ROS1: variants seen among roughly 807,000 people sequenced by gnomAD.
ROS1 encodes ROS proto-oncogene 1, receptor tyrosine kinase.
A neutral mutation model predicts 273.5 loss-of-function variants in ROS1; 263 were observed. The ratio of observed to expected loss-of-function variants is 0.96; its 90% confidence interval spans 0.87 to 1.06. The LOEUF (loss-of-function observed/expected upper bound fraction) is 1.06, where lower values mean the gene tolerates loss of function less well. Ranked by LOEUF, ROS1 falls within the 50% of genes least tolerant of loss-of-function variation. The pLI, the probability that ROS1 is intolerant of heterozygous loss-of-function variation, is 0.00. For missense variants in ROS1, 2,833 were observed against 2,751.1 expected (o/e 1.03, Z -0.67); for synonymous variants, 1,008 against 954.1 (o/e 1.06, Z -1.04).
chr6:117,349,393 T>C (rs887625409), intron 27 of ROS1, among the ~76,000 whole-genome samples: 1 of 152,046 alleles, frequency 6.6e-6, no homozygotes, highest in Non-Finnish European at 1.5e-5. Flanking sequence ...TCTTCTTTCA[T>C]TTGATTAGCG....
intron 1 of ROS1, 70 bp from the exon 2 acceptor site, chr6:117,418,576 A>G: frequency 1.7e-6 from 2 of 1,163,336 alleles, no homozygotes; most frequent in Non-Finnish European, 2.4e-6. Context: ...CACACCTTTT[A>G]AAAAAGCTTC....
rs1185894476 is a variant in ROS1 at position 117,324,400 on chromosome 6, G to A, written c.5555C>T (p.Pro1852Leu). 6.8e-7 allele frequency: 1 copy of A among 1,461,440 alleles called. No homozygotes were observed. Among genetic ancestry groups the A allele is most frequent in the Non-Finnish European group, 9.5e-7 (1 of 1,054,184 alleles). The allele number at this position is 1,461,440 out of a possible 1,614,324, so 90.5% of individuals were successfully genotyped here. A position where few individuals can be genotyped will look rare whatever the true frequency, so the allele number is the denominator to read the frequency against. ...AATAGTAAGTATGAAACTTGTTTCT[G>A]GTATCCAAAAATCATCTAATAATAT... is the stretch of plus-strand genomic sequence containing the variant. ...IILVGDDFWI[P>L]ETSFILTIIV... Residue 1852 changes from proline to leucine, a missense_variant, in exon 35 of 44, where the codon CCA becomes CTA. Physicochemically the swap from Pro to Leu is moderately conservative, Grantham distance 98. Transcript: ENST00000368507.
intron 17 of ROS1, among the ~76,000 whole-genome samples, chr6:117,381,787 A>ATACTAG (rs1226958954): frequency 2.0e-5 from 3 of 152,152 alleles, no homozygotes; most frequent in Admixed American, 2.0e-4. Flanking sequence ...GGATCGAATG[A>ATACTAG]TAGAAATACT....
chr6:117,344,371 A>G (rs1778203437), intron 27 of ROS1, 109 bp from the exon 28 acceptor site: 2 of 721,750 alleles, frequency 2.8e-6, no homozygotes, highest in South Asian at 4.3e-5. Context: ...TTTGTAGAGC[A>G]TACATAACTT....
intron 18 of ROS1, among the ~76,000 whole-genome samples, chr6:117,372,427 A>G (rs1347939637): frequency 6.6e-6 from 1 of 152,232 alleles, no homozygotes; most frequent in East Asian, 1.9e-4. Flanking sequence ...ATGTACACAA[A>G]ACAATAGCAC....
rs2128592699 is a variant in ROS1, at chr6:117,329,236, A to G, written c.5348+93T>C. 4.4e-6 allele frequency: 3 copies of G among 680,572 alleles called. No individual in the cohort carries two copies. In the South Asian group the frequency reaches 5.8e-5, roughly 13 times the overall value. The allele number at this position is 680,572 out of a possible 1,614,324, so 42.2% of individuals were successfully genotyped here. ...ACTAAAGATCTTTGTGTTTGTATAT[A>G]AATACATTTGCATAAATAGTGTTAC... On this transcript the variant is annotated intron_variant, in intron 33 of 43. Coordinates refer to ENST00000368507, the MANE Select transcript of ROS1 (RefSeq NM_001378902.1).
chr6:117,416,263 T>G lies in ROS1; in HGVS notation c.223A>C (p.Lys75Gln). 1 of 1,579,368 alleles carries G rather than the reference T, an allele frequency of 6.3e-7. No homozygotes were observed. The highest frequency in any genetic ancestry group is 8.7e-7 in the Non-Finnish European group (1 of 1,148,582). Residue 75 changes from lysine (K) to glutamine (Q), a missense_variant, in exon 3 of 44, where the codon AAG (lysine) becomes CAG (glutamine). Transcript: ENST00000368507. The stretch of plus-strand genomic sequence containing the variant: ...GAAATCTAATTAATACTTACACACT[T>G]TAAAGCACAGTTTTTCTGATCTACA... ...NSVDQKNCAL[K>Q]CNDTYATVCE...
At chr6:117,345,592 T>A (rs1473526674) in intron 27 of ROS1, among the ~76,000 whole-genome samples, 1 of 152,158 alleles carries the variant, frequency 6.6e-6, no homozygotes, top group Admixed American at 6.6e-5. Context: ...ATTAGCCACA[T>A]ATAAAATACA....
intron 39 of ROS1, among the ~76,000 whole-genome samples, chr6:117,312,449 C>T (rs1775615622): frequency 6.6e-6 from 1 of 152,110 alleles, no homozygotes; most frequent in Admixed American, 6.6e-5. Context: ...ACCTTACTCC[C>T]AAATCAATAT....
chr6:117,322,693 T>A (rs1776363341), intron 35 of ROS1, among the ~76,000 whole-genome samples: 1 of 152,192 alleles, frequency 6.6e-6, no homozygotes, highest in South Asian at 2.1e-4. Flanking sequence ...ACAATACAAA[T>A]TTTAAAATAA....
chr6:117,360,273 G>GGGAC (rs150963992), intron 23 of ROS1, 69 bp downstream of exon 23: 1 of 762,284 alleles, frequency 1.3e-6, no homozygotes, highest in Non-Finnish European at 2.2e-6. Flanking sequence ...ACACCAATGG[G>GGGAC]ACACACACAC....
chr6:117,328,921 T>C (rs1343131075), intron 33 of ROS1: 5 of 607,244 alleles, frequency 8.2e-6, no homozygotes, highest in Non-Finnish European at 1.3e-5. Context: ...GTATGAGAAA[T>C]ATCTACTTCA....
rs374944510 is a variant in ROS1, at chr6:117,394,153, C to T, written c.1191+9G>A. 2.8e-5 allele frequency: 44 copies of T among 1,553,940 alleles called. No individual in the cohort carries two copies. The highest frequency in any genetic ancestry group is 4.7e-5 in the East Asian group (2 of 42,982). ...CTATCACTATTCCTCTTTAACTTCT[C>T]GGACTAACCAGTTCATCCATGATGA... On this transcript the variant is annotated intron_variant, in intron 11 of 43. Transcript: ENST00000368507.
At chr6:117,328,851 T>C (rs1427187545) in intron 33 of ROS1, 1 of 612,946 alleles carries the variant, frequency 1.6e-6, no homozygotes, top group Admixed American at 1.9e-5. Flanking sequence ...TCCCAATGAA[T>C]ACAGAATCCT....
In ROS1 at chr6:117,425,844, C is replaced by A. The variant is rs1333537335; in HGVS notation, c.-188G>T. 3.7e-6 allele frequency: 2 copies of A among 542,594 alleles called. No individual in the cohort carries two copies. The highest frequency in any genetic ancestry group is 6.3e-6 in the Non-Finnish European group (2 of 315,546). The allele number at this position is 542,594 out of a possible 1,614,324, so 33.6% of individuals were successfully genotyped here. A position where few individuals can be genotyped will look rare whatever the true frequency, so the allele number is the denominator to read the frequency against. ...CCTTTTTCATTTAGACCTTTGAATGCTTGAAAGCTTGTAACAGTTCCATAA... is the reference window on the plus strand; with the variant it reads ...CCTTTTTCATTTAGACCTTTGAATGATTGAAAGCTTGTAACAGTTCCATAA... On this transcript the variant is annotated 5_prime_UTR_variant, in exon 1 of 44. Coordinates refer to ENST00000368507, the MANE Select transcript of ROS1 (RefSeq NM_001378902.1).
rs575639311 is a variant in ROS1, at chr6:117,365,051, C to A, written c.3103+9G>T. On this transcript the variant is annotated intron_variant, in intron 21 of 43. Coordinates refer to ENST00000368507, the MANE Select transcript of ROS1 (RefSeq NM_001378902.1). ...TTTTAAGAAAAAAGACAGATTTTAA[C>A]CCCTGTACCTGTTTCAGGTGCTCGA... The A allele has an allele frequency of 3.7e-6, 6 of 1,612,652 alleles. No homozygotes were observed. In the East Asian group the frequency reaches 1.3e-4, roughly 36 times the overall value.
chr6:117,379,167 G>GGTAAGAAAATAAGGTAAGAAAAT lies in ROS1; in HGVS notation c.2482-9_2482-8insATTTTCTTACCTTATTTTCTTAC, dbSNP rs748016942. 1.3e-6 allele frequency: 2 copies of GGTAAGAAAATAAGGTAAGAAAAT among 1,564,570 alleles called. No homozygotes were observed. The highest frequency in any genetic ancestry group is 2.7e-5 in the African/African-American group (2 of 73,926). On this transcript the variant is annotated splice_polypyrimidine_tract_variant and intron_variant, in intron 17 of 43. Coordinates refer to ENST00000368507, the MANE Select transcript of ROS1 (RefSeq NM_001378902.1). ...TAAAGTTAGAGCAATTACCTAAGTA[G>GGTAAGAAAATAAGGTAAGAAAAT]AAAGTAAGGTAAGAAAATAAACCAA...
intron 28 of ROS1, among the ~76,000 whole-genome samples, chr6:117,343,284 C>A (rs1454053059): frequency 1.3e-5 from 2 of 151,946 alleles, no homozygotes; most frequent in African/African-American, 2.4e-5. Flanking sequence ...GTTAATTAGA[C>A]AAAATTAAGG....
chr6:117,346,396 AAT>A (rs1223062932), intron 27 of ROS1, among the ~76,000 whole-genome samples: 1 of 152,084 alleles, frequency 6.6e-6, no homozygotes, highest in African/African-American at 2.4e-5. Flanking sequence ...AGCAACATAA[AAT>A]AGACTCCATT....
Sources: gnomAD v4.1 joint callset for allele counts (sites outside exome capture counted in the v4.1 genomes callset) on GRCh38, gnomAD v4.1.1 for gene constraint, MANE v1.5 for transcripts, NCBI Gene and HGNC (gene_info 2026-07-23, HGNC 2026-07-21) for gene names.